Variants in ROBO2 observed in about 807,000 individuals in gnomAD.
ROBO2 encodes roundabout homolog 2.
A neutral mutation model predicts 160.8 loss-of-function variants in ROBO2; 53 were observed. That is an observed-to-expected ratio of 0.33 (90% confidence interval 0.26 to 0.41). ROBO2 has a LOEUF of 0.41. ROBO2 is among the 10% of genes least tolerant of loss of function. The pLI, the probability that ROBO2 is intolerant of heterozygous loss-of-function variation, is 1.00. For missense variants in ROBO2, 1,577 were observed against 1,722.4 expected (o/e 0.92, Z 1.49); for synonymous variants, 664 against 611.7 (o/e 1.09, Z -1.26).
At chr3:77,234,920 T>C (rs2087734648) in intron 2 of ROBO2, among the ~76,000 whole-genome samples, 1 of 152,200 alleles carries the variant, frequency 6.6e-6, no homozygotes, top group African/African-American at 2.4e-5. Context: ...AGCAATGGCG[T>C]TACTTTAATT....
chr3:77,040,127 C>G lies in ROBO2; in HGVS notation c.-659C>G. 2.0e-6 allele frequency: 2 copies of G among 978,646 alleles called. No individual in the cohort carries two copies. The highest frequency in any genetic ancestry group is 2.4e-6 in the Non-Finnish European group (2 of 827,626). 60.6% of individuals were successfully genotyped at this position (978,646 alleles called of 1,614,324 possible). A position where few individuals can be genotyped will look rare whatever the true frequency, so the allele number is the denominator to read the frequency against. ...AGGAGTTCGGATTCTCCACCCGAATCGTCCTGATTTCCCTTCTCCTCTCTT... is the reference window on the plus strand; with the variant it reads ...AGGAGTTCGGATTCTCCACCCGAATGGTCCTGATTTCCCTTCTCCTCTCTT... On this transcript the variant is annotated 5_prime_UTR_variant, in exon 1 of 26. It adds an upstream start codon to the 5' untranslated region. Transcript: ENST00000461745.
At chr3:77,128,326 T>C (rs2075532336) in intron 2 of ROBO2, among the ~76,000 whole-genome samples, 1 of 152,146 alleles carries the variant, frequency 6.6e-6, no homozygotes, top group Admixed American at 6.5e-5. Flanking sequence ...TATCCTCTCA[T>C]TAGTCATTTA....
chr3:76,192,976 T>C (rs1464203899), intron 2 of ROBO2, among the ~76,000 whole-genome samples: 1 of 152,138 alleles, frequency 6.6e-6, no homozygotes, highest in African/African-American at 2.4e-5. Context: ...ATAATAAATA[T>C]GGTAAATAAG....
chr3:77,299,894 G>T (rs986164139), intron 2 of ROBO2, among the ~76,000 whole-genome samples: 5 of 152,074 alleles, frequency 3.3e-5, no homozygotes, highest in Non-Finnish European at 5.9e-5. Flanking sequence ...CCCCAAGTTG[G>T]TTTCAAAGAT....
intron 2 of ROBO2, among the ~76,000 whole-genome samples, chr3:76,322,655 G>A (rs1327296621): frequency 5.9e-5 from 9 of 152,016 alleles, no homozygotes; most frequent in Middle Eastern, 3.4e-3. Flanking sequence ...AAAAAGAAGC[G>A]GCGAAGTTAC....
chr3:77,496,074 AAAC>A (rs2086743343), intron 5 of ROBO2, among the ~76,000 whole-genome samples: 1 of 152,222 alleles, frequency 6.6e-6, no homozygotes, highest in Non-Finnish European at 1.5e-5. Context: ...CAAGGCCACT[AAAC>A]AACAAGGTTG....
At chr3:77,354,315 G>A (rs960539257) in intron 2 of ROBO2, among the ~76,000 whole-genome samples, 36 of 152,102 alleles carry the variant, frequency 2.4e-4, no homozygotes, top group Middle Eastern at 3.2e-3. Flanking sequence ...TCTACCCTTA[G>A]TACAGAATAT....
chr3:76,858,809 A>G (rs9755224), intron 2 of ROBO2, among the ~76,000 whole-genome samples: 18,883 of 152,182 alleles, frequency 0.12, 1,344 homozygotes, highest in East Asian at 0.24. Flanking sequence ...TAGGGTGAGG[A>G]AGATCCACAT....
intron 2 of ROBO2, among the ~76,000 whole-genome samples, chr3:76,893,913 A>T (rs1055269373): frequency 6.6e-6 from 1 of 152,110 alleles, no homozygotes; most frequent in Non-Finnish European, 1.5e-5. Flanking sequence ...TATGAGTGAG[A>T]ACATATGATA....
chr3:75,957,402 C>T (rs565620802), intron 2 of ROBO2, among the ~76,000 whole-genome samples: 3 of 151,368 alleles, frequency 2.0e-5, no homozygotes, highest in South Asian at 2.1e-4. Flanking sequence ...ATGATTTTCT[C>T]TTAATTTTTA....
intron 2 of ROBO2, among the ~76,000 whole-genome samples, chr3:76,627,712 T>C (rs2089750213): frequency 6.6e-6 from 1 of 152,170 alleles, no homozygotes; most frequent in South Asian, 2.1e-4. Context: ...AGAGGATGTG[T>C]TTGGAAGGGA....
intron 2 of ROBO2, among the ~76,000 whole-genome samples, chr3:77,266,579 C>A (rs1376353695): frequency 6.6e-6 from 1 of 152,082 alleles, no homozygotes; most frequent in Non-Finnish European, 1.5e-5. Context: ...TCTCACCATG[C>A]TCCTCCATCT....
At chr3:77,363,313 A>G (rs2070328647) in intron 2 of ROBO2, among the ~76,000 whole-genome samples, 1 of 152,302 alleles carries the variant, frequency 6.6e-6, no homozygotes, top group Admixed American at 6.5e-5. Context: ...TGTTGAAGGC[A>G]CCATTTATAA....
chr3:76,218,867 C>T (rs1703752413), intron 2 of ROBO2, among the ~76,000 whole-genome samples: 1 of 152,228 alleles, frequency 6.6e-6, no homozygotes, highest in South Asian at 2.1e-4. Context: ...CAATCCTAAG[C>T]CAAAAGAACA....
chr3:76,373,862 C>T (rs1281244359), intron 2 of ROBO2, among the ~76,000 whole-genome samples: 1 of 151,882 alleles, frequency 6.6e-6, no homozygotes, highest in East Asian at 1.9e-4. Flanking sequence ...CTTCTGTGGT[C>T]AGTAATGGAC....
intron 2 of ROBO2, among the ~76,000 whole-genome samples, chr3:77,281,456 C>T (rs575938451): frequency 4.6e-5 from 7 of 151,648 alleles, no homozygotes; most frequent in African/African-American, 1.7e-4. Context: ...TATATGAAGA[C>T]TTCACTTTGC....
exon 2 of ROBO2, chr3:75,937,517 C>A: frequency 6.4e-7 from 1 of 1,574,266 alleles, no homozygotes; most frequent in South Asian, 1.2e-5. Context: ...ATGAACGTGT[C>A]ACTAGAAGGA....
intron 2 of ROBO2, among the ~76,000 whole-genome samples, chr3:76,823,265 A>T (rs2066278163): frequency 2.6e-5 from 4 of 152,128 alleles, no homozygotes; most frequent in Admixed American, 2.6e-4. Flanking sequence ...TTATTGACCC[A>T]CACAATGAAT....
At chr3:77,003,536 C>T (rs1285491730) in intron 2 of ROBO2, among the ~76,000 whole-genome samples, 3 of 152,124 alleles carry the variant, frequency 2.0e-5, no homozygotes, top group African/African-American at 7.2e-5. Context: ...GCAGGGTAGA[C>T]TTTCCAGACA....
Sources: gnomAD v4.1 joint callset for allele counts (sites outside exome capture counted in the v4.1 genomes callset) on GRCh38, gnomAD v4.1.1 for gene constraint, MANE v1.5 for transcripts, NCBI Gene and HGNC (gene_info 2026-07-23, HGNC 2026-07-21) for gene names.